AIG1: variants seen among roughly 807,000 people sequenced by gnomAD.
AIG1 encodes the protein androgen-induced gene 1 protein.
A neutral mutation model predicts 31.4 loss-of-function variants in AIG1; 23 were observed. The observed-to-expected ratio is 0.73, with a 90% CI of 0.53 to 1.04. The LOEUF is 1.04. AIG1 is among the 50% of genes least tolerant of loss of function. The pLI is 0.00. For missense variants in AIG1, 274 were observed against 295.0 expected (o/e 0.93, Z 0.52); for synonymous variants, 100 against 110.5 (o/e 0.90, Z 0.60).
chr6:143,333,202 T>G lies in AIG1; in HGVS notation c.516-80T>G. Reference sequence around the variant, plus strand: ...CTGAAGCATGGGGAGAGTGAGGGAGTGTATATTTGCATCATAGCAGCTTTG... The same window carrying G: ...CTGAAGCATGGGGAGAGTGAGGGAGGGTATATTTGCATCATAGCAGCTTTG... On this transcript the variant is annotated intron_variant, in intron 4 of 5. Coordinates refer to ENST00000357847, the MANE Select transcript of AIG1 (RefSeq NM_016108.4). This position sits in a 1 kb window ranked among gnomAD's most constrained non-coding sequence, Gnocchi z 4.6. The G allele has an allele frequency of 7.4e-7, 1 of 1,351,378 alleles. No homozygotes were observed. Among genetic ancestry groups the G allele is most frequent in the African/African-American group, 1.5e-5 (1 of 66,552 alleles). The allele number at this position is 1,351,378 out of a possible 1,614,324, so 83.7% of individuals were successfully genotyped here.
At chr6:143,072,027 A>G (rs1359037722) in intron 1 of AIG1, among the ~76,000 whole-genome samples, 1 of 151,954 alleles carries the variant, frequency 6.6e-6, no homozygotes, top group Non-Finnish European at 1.5e-5. Flanking sequence ...CTTGGCCTCA[A>G]GTGATCCTCC....
intron 3 of AIG1, among the ~76,000 whole-genome samples, chr6:143,176,356 G>A (rs533074538): frequency 6.6e-6 from 1 of 152,262 alleles, no homozygotes; most frequent in South Asian, 2.1e-4. Flanking sequence ...CCCTAGGGTC[G>A]CCTTTGGGTA....
At chr6:143,220,735 T>C (rs1302384524) in intron 3 of AIG1, among the ~76,000 whole-genome samples, 1 of 152,228 alleles carries the variant, frequency 6.6e-6, no homozygotes, top group East Asian at 1.9e-4. Flanking sequence ...TGCTTACACT[T>C]CGAGTGTTTA....
chr6:143,286,866 G>A (rs1011464149), intron 4 of AIG1, among the ~76,000 whole-genome samples: 2 of 151,542 alleles, frequency 1.3e-5, no homozygotes, highest in Admixed American at 1.3e-4. Flanking sequence ...CTCTTCCCAG[G>A]TTTGGGTAGT....
In AIG1 at chr6:143,083,092, C is replaced by T. The variant is rs577837387; in HGVS notation, c.141+22026C>T. ...AAGCCGATATAGGCTGGATACGTTC[C>T]TCACTGAGGGCCCTGGTGCCTTTGG... On this transcript the variant is annotated intron_variant, in intron 1 of 5. Coordinates refer to ENST00000357847, the MANE Select transcript of AIG1 (RefSeq NM_016108.4). 3.3e-4 allele frequency among the ~76,000 whole-genome samples: 51 copies of T among 152,338 alleles called. 1 individual carries two copies. Among genetic ancestry groups the T allele is most frequent in the Admixed American group, 1.8e-3 (27 of 15,310 alleles).
rs1370954698 is a variant in AIG1, at chr6:143,087,011, G to C, written c.141+25945G>C. ...CCAACGCTCCCAACCCAGAGGGTTG[G>C]GGGTTGTTAGAAAGCGTTTTCCCAG... is the stretch of plus-strand genomic sequence containing the variant. On this transcript the variant is annotated intron_variant, in intron 1 of 5. Transcript: ENST00000357847. Among the ~76,000 whole-genome samples the C allele has an allele frequency of 2.6e-5, 4 of 152,188 alleles. No homozygotes were observed. The East Asian group carries it at 5.8e-4, about 22-fold the overall frequency.
chr6:143,082,274 G>A (rs866558260), intron 1 of AIG1, among the ~76,000 whole-genome samples: 12 of 152,310 alleles, frequency 7.9e-5, no homozygotes, highest in South Asian at 6.2e-4. Context: ...CACTGCGTAA[G>A]CCGCCTTTCG....
At chr6:143,062,568 G>C (rs1776350039) in intron 1 of AIG1, among the ~76,000 whole-genome samples, 2 of 152,072 alleles carry the variant, frequency 1.3e-5, no homozygotes, top group African/African-American at 2.4e-5. Flanking sequence ...AGTCTTATTG[G>C]GTTGATTGGC....
At chr6:143,082,113 G>A (rs1778316819) in intron 1 of AIG1, among the ~76,000 whole-genome samples, 1 of 152,152 alleles carries the variant, frequency 6.6e-6, no homozygotes, top group African/African-American at 2.4e-5. Flanking sequence ...TGCTGCATGG[G>A]CATGGAGGAC....
rs983357238 is a variant in AIG1, at chr6:143,306,581, G to T, written c.515+22356G>T. Among the ~76,000 whole-genome samples the T allele has an allele frequency of 6.6e-5, 10 of 152,246 alleles. 1 individual carries two copies. The highest frequency in any genetic ancestry group is 6.8e-3 in the Middle Eastern group (2 of 294). On this transcript the variant is annotated intron_variant, in intron 4 of 5. Coordinates refer to ENST00000357847, the MANE Select transcript of AIG1 (RefSeq NM_016108.4). ...CTGCTGAGAGATCCACTGTTAGTCT[G>T]ATGGGCTTCCCTTTGTGGGTAACCC... is the stretch of plus-strand genomic sequence containing the variant.
Position 143,060,919 on chromosome 6 carries a change from G to A in AIG1, c.-7G>A. The A allele has an allele frequency of 6.2e-7, 1 of 1,603,168 alleles. No individual in the cohort carries two copies. Among genetic ancestry groups the A allele is most frequent in the South Asian group, 1.1e-5 (1 of 90,600 alleles). ...TGCCGCCCAGCCGGTCCAGGCCTCT[G>A]GCGAACATGGCGCTTGTCCCCTGCC... On this transcript the variant is annotated 5_prime_UTR_variant, in exon 1 of 6. Transcript: ENST00000357847.
intron 3 of AIG1, among the ~76,000 whole-genome samples, chr6:143,166,177 A>G (rs552958311): frequency 1.3e-5 from 2 of 152,190 alleles, no homozygotes; most frequent in African/African-American, 2.4e-5. Context: ...TCTTAAGCCA[A>G]TTCATCAAAA....
intron 3 of AIG1, among the ~76,000 whole-genome samples, chr6:143,235,892 A>G (rs986878732): frequency 2.0e-5 from 3 of 152,194 alleles, no homozygotes; most frequent in African/African-American, 7.2e-5. Context: ...CTCTTCAAAG[A>G]TAAAGATGCT....
At chr6:143,216,210 C>T (rs537811501) in intron 3 of AIG1, among the ~76,000 whole-genome samples, 79 of 152,152 alleles carry the variant, frequency 5.2e-4, no homozygotes, top group Non-Finnish European at 9.3e-4. Flanking sequence ...CTTAATTGAT[C>T]CTTATTTTAT....
At chr6:143,064,735 C>T (rs1776542297) in intron 1 of AIG1, among the ~76,000 whole-genome samples, 1 of 152,194 alleles carries the variant, frequency 6.6e-6, no homozygotes, top group African/African-American at 2.4e-5. Flanking sequence ...TTTCCTACTT[C>T]ATCCATGAAA....
At chr6:143,251,126 C>T (rs1372918058) in intron 3 of AIG1, among the ~76,000 whole-genome samples, 1 of 152,216 alleles carries the variant, frequency 6.6e-6, no homozygotes. Context: ...AATCTCGGCT[C>T]ACTGAGACCT....
Position 143,334,032 on chromosome 6 carries a change from C to T in AIG1, c.679+587C>T. The T allele has an allele frequency of 1.3e-6, 2 of 1,548,158 alleles. No homozygotes were observed. The highest frequency in any genetic ancestry group is 1.7e-6 in the Non-Finnish European group (2 of 1,145,612). On this transcript the variant is annotated intron_variant, in intron 5 of 5. Transcript: ENST00000357847. The surrounding 1 kb of genome is among the most constrained non-coding windows in gnomAD (Gnocchi z 5.1). Reference sequence around the variant, plus strand: ...ATAATATTTCGTGGCTGGAAAAACTCTTTTAACCTGTGATTTGATTTCTCT... The same window carrying T: ...ATAATATTTCGTGGCTGGAAAAACTTTTTTAACCTGTGATTTGATTTCTCT...
chr6:143,072,772 A>G (rs1316074913), intron 1 of AIG1, among the ~76,000 whole-genome samples: 2 of 152,248 alleles, frequency 1.3e-5, no homozygotes, highest in Non-Finnish European at 2.9e-5. Flanking sequence ...TTTAAGGTAT[A>G]CAACATGATG....
intron 3 of AIG1, among the ~76,000 whole-genome samples, chr6:143,208,333 T>A (rs1330215443): frequency 6.6e-6 from 1 of 152,166 alleles, no homozygotes; most frequent in African/African-American, 2.4e-5. Context: ...TGGGTAGAAG[T>A]ACAAGCAAAA....
Sources: gnomAD v4.1 joint callset for allele counts (sites outside exome capture counted in the v4.1 genomes callset) on GRCh38, gnomAD v4.1.1 for gene constraint, Gnocchi (gnomAD v3.1) non-coding constraint, MANE v1.5 for transcripts, NCBI Gene and HGNC (gene_info 2026-07-23, HGNC 2026-07-21) for gene names.